MTMR3: variants seen among roughly 807,000 people sequenced by gnomAD.
The protein encoded by MTMR3 is phosphatidylinositol-3,5-bisphosphate 3-phosphatase MTMR3.
Under a neutral mutation model 132.4 loss-of-function variants are expected in MTMR3, and 32 were observed. That is an observed-to-expected ratio of 0.24 (90% CI 0.18 to 0.32). MTMR3 has a LOEUF of 0.32. Among genes scored for constraint, MTMR3 ranks in the 10% least tolerant of loss-of-function variants. The probability of loss-of-function intolerance (pLI) is 1.00; values close to 1 mark genes in which losing one functional copy is unlikely to be tolerated. For missense variants in MTMR3, 1,216 were observed against 1,489.6 expected (o/e 0.82, Z 3.02); for synonymous variants, 556 against 550.3 (o/e 1.01, Z -0.14).
At chr22:30,008,111 T>G in intron 11 of MTMR3, 79 bp downstream of exon 11, 1 of 1,561,980 alleles carries the variant, frequency 6.4e-7, no homozygotes, top group Non-Finnish European at 8.7e-7. Context: ...TAGTTCCCAA[T>G]TTGAAATAAG....
chr22:30,023,398 C>T, intron 19 of MTMR3: 1 of 1,594,468 alleles, frequency 6.3e-7, no homozygotes. Flanking sequence ...CACCCTGCAC[C>T]CCAAGCCCAG....
At chr22:29,958,268 A>G (rs988768600) in intron 2 of MTMR3, among the ~76,000 whole-genome samples, 4 of 152,090 alleles carry the variant, frequency 2.6e-5, no homozygotes, top group African/African-American at 9.7e-5. Context: ...CCACCTGTTT[A>G]GGGAACTGTA....
At chr22:29,949,950 G>A (rs1055978009) in intron 1 of MTMR3, among the ~76,000 whole-genome samples, 6 of 152,102 alleles carry the variant, frequency 3.9e-5, no homozygotes, top group Non-Finnish European at 8.8e-5. Flanking sequence ...ACTGATTTGG[G>A]GCAAGGTGTC....
intron 1 of MTMR3, among the ~76,000 whole-genome samples, chr22:29,884,180 A>G (rs1180024883): frequency 6.6e-6 from 1 of 152,102 alleles, no homozygotes; most frequent in African/African-American, 2.4e-5. Context: ...TTGATGTTCA[A>G]ATGTCCTTTC....
At chr22:29,898,525 C>G (rs1438664005) in intron 1 of MTMR3, among the ~76,000 whole-genome samples, 2 of 152,162 alleles carry the variant, frequency 1.3e-5, no homozygotes, top group Non-Finnish European at 1.5e-5. Flanking sequence ...AGCTTAGCCT[C>G]CTGGGTAGCC....
intron 1 of MTMR3, among the ~76,000 whole-genome samples, chr22:29,931,776 A>T (rs1304597248): frequency 8.9e-6 from 1 of 112,108 alleles, no homozygotes; most frequent in Non-Finnish European, 1.7e-5. Context: ...GGGGAGAGAG[A>T]ATCCTTTTTT....
At chr22:29,886,371 T>C (rs1403593539) in intron 1 of MTMR3, among the ~76,000 whole-genome samples, 1 of 152,238 alleles carries the variant, frequency 6.6e-6, no homozygotes, top group Non-Finnish European at 1.5e-5. Context: ...TAATGAATCT[T>C]AAGTGTTTCA....
At chr22:29,923,074 C>T (rs186342085) in intron 1 of MTMR3, among the ~76,000 whole-genome samples, 391 of 144,546 alleles carry the variant, frequency 2.7e-3, no homozygotes, top group African/African-American at 9.4e-3. Flanking sequence ...CGGAGTCTTG[C>T]TCTATTGCCC....
At chr22:29,917,009 ACAATATCC>A (rs1322132935) in intron 1 of MTMR3, among the ~76,000 whole-genome samples, 1 of 152,186 alleles carries the variant, frequency 6.6e-6, no homozygotes, top group Non-Finnish European at 1.5e-5. Flanking sequence ...TTCTTGTTCT[ACAATATCC>A]CAATATCTTC....
At chr22:29,900,543 AC>A in intron 1 of MTMR3, among the ~76,000 whole-genome samples, 1 of 152,276 alleles carries the variant, frequency 6.6e-6, no homozygotes, top group East Asian at 1.9e-4. Flanking sequence ...GGCTTAGTTA[AC>A]TATGCCAGGC....
In MTMR3 at chr22:30,028,595, G is replaced by T. The variant is rs919928888; in HGVS notation, c.*2794G>T. 4 of 152,470 alleles carry T rather than the reference G, an allele frequency of 2.6e-5. No individual in the cohort carries two copies. The highest frequency in any genetic ancestry group is 6.5e-5 in the Admixed American group (1 of 15,298). The allele number at this position is 152,470 out of a possible 1,614,324, so 9.4% of individuals were successfully genotyped here. A position where few individuals can be genotyped will look rare whatever the true frequency, so the allele number is the denominator to read the frequency against. ...CCCTCGGGAAGGTTGGTATTGAGGG[G>T]TGCCTTGCTCCAGAGGCGCCAGCCC... On this transcript the variant is annotated 3_prime_UTR_variant, in exon 20 of 20. Coordinates refer to ENST00000401950, the MANE Select transcript of MTMR3 (RefSeq NM_021090.4).
chr22:29,985,619 G>T (rs1043990062), intron 5 of MTMR3: 26 of 152,224 alleles, frequency 1.7e-4, no homozygotes, highest in African/African-American at 6.0e-4. Context: ...TTTCTCTTTT[G>T]TATGTCCCTA....
In MTMR3 at chr22:30,020,863, T is replaced by A; in HGVS notation, c.3204T>A (p.Asn1068Lys). The A allele has an allele frequency of 6.3e-7, 1 of 1,595,158 alleles. No homozygotes were observed. Among genetic ancestry groups the A allele is most frequent in the South Asian group, 1.1e-5 (1 of 88,846 alleles). ...SQYLTSSLHF[N>K]GDFGDEVTSI... ...ACCTGACCAGCTCCCTACACTTTAA[T>A]GGAGACTTTGGGGATGAGGTGGTGA... Residue 1068 changes from asparagine (N) to lysine (K), a missense_variant, in exon 17 of 20, where the codon AAT (asparagine) becomes AAA (lysine). Transcript: ENST00000401950.
chr22:29,942,352 A>G (rs1287901786), intron 1 of MTMR3, among the ~76,000 whole-genome samples: 1 of 152,154 alleles, frequency 6.6e-6, no homozygotes, highest in African/African-American at 2.4e-5. Flanking sequence ...TTCACAAGGT[A>G]ATAAAATATC....
intron 3 of MTMR3, among the ~76,000 whole-genome samples, chr22:29,973,871 T>A (rs1285555518): frequency 6.6e-6 from 1 of 152,092 alleles, no homozygotes; most frequent in Non-Finnish European, 1.5e-5. Context: ...AGTGCTGAGA[T>A]TACAGGCATG....
chr22:29,973,006 C>G (rs2066565879), intron 3 of MTMR3, among the ~76,000 whole-genome samples: 1 of 152,186 alleles, frequency 6.6e-6, no homozygotes, highest in Non-Finnish European at 1.5e-5. Flanking sequence ...CCTTGGATTC[C>G]TAATGATCAT....
intron 1 of MTMR3, among the ~76,000 whole-genome samples, chr22:29,895,464 T>C (rs2064875478): frequency 6.6e-6 from 1 of 152,156 alleles, no homozygotes; most frequent in African/African-American, 2.4e-5. Context: ...ATCCTGCTGG[T>C]TGTGGAAGCA....
In MTMR3 at chr22:30,020,318, A is replaced by G; in HGVS notation, c.2659A>G (p.Thr887Ala). ...GACCATGGAACCCAGCCCTTCAGAG[A>G]CAAGCCTGGTCGAGAGGCCCCAAGT... ...PQTMEPSPSE[T>A]SLVERPQVGS... is the part of the protein sequence containing the mutation. The change falls in exon 17 of 20, where the codon ACA (threonine) becomes GCA (alanine). Residue 887 changes from threonine to alanine, a missense_variant. Thr to Ala is a moderately conservative substitution (Grantham distance 58). Coordinates refer to ENST00000401950, the MANE Select transcript of MTMR3 (RefSeq NM_021090.4). 1 of 1,614,194 alleles carries G rather than the reference A, an allele frequency of 6.2e-7. No homozygotes were observed. Among genetic ancestry groups the G allele is most frequent in the South Asian group, 1.1e-5 (1 of 91,086 alleles).
At chr22:29,887,983 T>G (rs1280674925) in intron 1 of MTMR3, among the ~76,000 whole-genome samples, 1 of 152,020 alleles carries the variant, frequency 6.6e-6, no homozygotes, top group Admixed American at 6.6e-5. Flanking sequence ...ATCTGGGGTC[T>G]AAATCTAATT....
Sources: allele counts gnomAD v4.1 joint callset (sites outside exome capture counted in the v4.1 genomes callset), GRCh38; gene constraint gnomAD v4.1.1; transcripts MANE v1.5; gene names NCBI Gene and HGNC (gene_info 2026-07-23, HGNC 2026-07-21).